CHD2: variants seen among roughly 807,000 people sequenced by gnomAD.
CHD2 encodes ATP-dependent chromatin remodeler CHD2.
CHD2 carries 28 observed loss-of-function variants against 243.9 expected under a neutral mutation model. That is an observed-to-expected ratio of 0.11 (90% CI 0.09 to 0.16). CHD2 has a LOEUF of 0.16. Ranked by LOEUF, CHD2 falls within the 10% of genes least tolerant of loss-of-function variation. The probability of loss-of-function intolerance (pLI) is 1.00; values close to 1 mark genes in which losing one functional copy is unlikely to be tolerated. For missense variants in CHD2, 1,386 were observed against 2,209.8 expected (o/e 0.63, Z 7.47); for synonymous variants, 775 against 779.0 (o/e 0.99, Z 0.09).
At chr15:92,978,461 TAAA>T in intron 21 of CHD2, 78 bp downstream of exon 21, 10 of 1,443,810 alleles carry the variant, frequency 6.9e-6, no homozygotes, top group Non-Finnish European at 9.5e-6. Flanking sequence ...AGGATGTTAA[TAAA>T]ATGCTTTTTC....
At chr15:92,959,295 G>A (rs935741177) in intron 16 of CHD2, among the ~76,000 whole-genome samples, 4 of 152,154 alleles carry the variant, frequency 2.6e-5, no homozygotes, top group African/African-American at 7.2e-5. Flanking sequence ...TAGAATTTGG[G>A]AAATTGTTCT....
intron 2 of CHD2, among the ~76,000 whole-genome samples, chr15:92,923,565 T>G (rs2053000879): frequency 6.7e-6 from 1 of 148,554 alleles, no homozygotes; most frequent in Admixed American, 6.7e-5. Flanking sequence ...CAGCTTGTTT[T>G]TTTTTTTTTT....
At chr15:92,931,812 T>A (rs1378054874) in intron 5 of CHD2, among the ~76,000 whole-genome samples, 1 of 152,004 alleles carries the variant, frequency 6.6e-6, no homozygotes, top group Non-Finnish European at 1.5e-5. Flanking sequence ...TTCTCTTTTA[T>A]AAGCACAGTA....
At chr15:92,948,542 T>G (rs1023933151) in intron 12 of CHD2, among the ~76,000 whole-genome samples, 2 of 152,032 alleles carry the variant, frequency 1.3e-5, no homozygotes, top group Non-Finnish European at 2.9e-5. Flanking sequence ...CACATGAAAT[T>G]TAAGTTTTTG....
chr15:92,904,431 T>C, intron 2 of CHD2: 2 of 987,510 alleles, frequency 2.0e-6, no homozygotes, highest in Non-Finnish European at 2.4e-6. Context: ...CAGTGACGTC[T>C]GGCCGCGTGC....
At chr15:92,931,862 A>G (rs948010398) in intron 5 of CHD2, among the ~76,000 whole-genome samples, 4 of 141,544 alleles carry the variant, frequency 2.8e-5, no homozygotes, top group African/African-American at 1.1e-4. Flanking sequence ...TTGCTGACGT[A>G]CTTTTTTTTT....
At chr15:92,986,621 A>C (rs183156969) in intron 26 of CHD2, among the ~76,000 whole-genome samples, 20 of 152,218 alleles carry the variant, frequency 1.3e-4, no homozygotes, top group African/African-American at 3.9e-4. Flanking sequence ...TCCCAGTATT[A>C]TTTTGAGAAG....
chr15:92,917,782 C>A (rs777075944), intron 2 of CHD2, among the ~76,000 whole-genome samples: 3 of 152,152 alleles, frequency 2.0e-5, no homozygotes, highest in Non-Finnish European at 2.9e-5. Flanking sequence ...TGATATCTTA[C>A]ACACGCACAT....
At chr15:92,940,799 A>G (rs2053351733) in intron 7 of CHD2, among the ~76,000 whole-genome samples, 1 of 143,434 alleles carries the variant, frequency 7.0e-6, no homozygotes, top group East Asian at 2.0e-4. Flanking sequence ...ATATAAATAT[A>G]TAAATAAATA....
intron 22 of CHD2, among the ~76,000 whole-genome samples, chr15:92,980,292 C>T (rs2053963125): frequency 6.6e-6 from 1 of 150,512 alleles, no homozygotes; most frequent in South Asian, 2.1e-4. Flanking sequence ...AACTCCTGAC[C>T]TCAAGTGATA....
intron 13 of CHD2, 71 bp from the exon 14 acceptor site, chr15:92,953,286 C>A: frequency 1.6e-6 from 2 of 1,243,506 alleles, no homozygotes; most frequent in South Asian, 1.3e-5. Flanking sequence ...GGTGTCGTTG[C>A]TGTTTATGCA....
chr15:92,941,553 T>C (rs1054504071), intron 7 of CHD2, among the ~76,000 whole-genome samples: 2 of 152,178 alleles, frequency 1.3e-5, no homozygotes, highest in African/African-American at 2.4e-5. Context: ...AGTGTCCTTA[T>C]AGTTTTCTAT....
chr15:92,908,003 A>ATTTTTTTTTTTTTTTTTTT (rs71877681), intron 2 of CHD2, among the ~76,000 whole-genome samples: 1 of 107,642 alleles, frequency 9.3e-6, no homozygotes, highest in Non-Finnish European at 1.8e-5. Flanking sequence ...CTCTCTTAGA[A>ATTTTTTTTTTTTTTTTTTT]TTTTTTTTTT....
At chr15:92,921,774 C>T (rs981521518) in intron 2 of CHD2, among the ~76,000 whole-genome samples, 1 of 152,110 alleles carries the variant, frequency 6.6e-6, no homozygotes, top group Non-Finnish European at 1.5e-5. Flanking sequence ...GTTCTTATGA[C>T]ACTACTGGTA....
intron 22 of CHD2, among the ~76,000 whole-genome samples, chr15:92,979,498 C>G (rs1013952616): frequency 6.6e-6 from 1 of 152,046 alleles, no homozygotes; most frequent in Non-Finnish European, 1.5e-5. Context: ...TCTTTCTTGC[C>G]CTCTCCCTTA....
At position 92,939,867 on chromosome 15, in the gene CHD2, C is replaced by T. The variant is rs971225088; in HGVS notation, c.692+149C>T. The T allele has an allele frequency of 4.6e-6, 4 of 875,058 alleles. No individual in the cohort carries two copies. In the Admixed American group the frequency reaches 8.0e-5, roughly 18 times the overall value. The allele number at this position is 875,058 out of a possible 1,614,324, so 54.2% of individuals were successfully genotyped here. A position where few individuals can be genotyped will look rare whatever the true frequency, so the allele number is the denominator to read the frequency against. On this transcript the variant is annotated intron_variant, in intron 7 of 38. Coordinates refer to ENST00000394196, the MANE Select transcript of CHD2 (RefSeq NM_001271.4). ...TGTTTTCAGAAATCTGGTTAGCTTT[C>T]TTGCAAAAAGAGTGGTATTGAGCCA...
At chr15:93,024,209 T>A (rs534316397) in intron 38 of CHD2, among the ~76,000 whole-genome samples, 163 bp from the exon 39 acceptor site, 1 of 152,352 alleles carries the variant, frequency 6.6e-6, no homozygotes, top group African/African-American at 2.4e-5. Context: ...TGTATTTTGC[T>A]AATAAGTGTA....
At position 92,979,130 on chromosome 15, in the gene CHD2, T is replaced by C; in HGVS notation, c.2728-5T>C. The C allele has an allele frequency of 6.2e-7, 1 of 1,613,778 alleles. No individual in the cohort carries two copies. The highest frequency in any genetic ancestry group is 1.3e-5 in the African/African-American group (1 of 75,002). ...GCATAAGCATAACAGTTCCTTTTCC[T>C]ACAGGTAAATATTTACCGCTTAGTT... On this transcript the variant is annotated splice_polypyrimidine_tract_variant and splice_region_variant and intron_variant, in intron 21 of 38. Transcript: ENST00000394196.
At chr15:92,961,345 T>C (rs892293660) in intron 16 of CHD2, among the ~76,000 whole-genome samples, 17 of 152,228 alleles carry the variant, frequency 1.1e-4, no homozygotes, top group African/African-American at 3.6e-4. Flanking sequence ...GTCTGTTTCA[T>C]CTAACTTGTC....
Sources: gnomAD v4.1 joint callset for allele counts (sites outside exome capture counted in the v4.1 genomes callset) on GRCh38, gnomAD v4.1.1 for gene constraint, MANE v1.5 for transcripts, NCBI Gene and HGNC (gene_info 2026-07-23, HGNC 2026-07-21) for gene names.